Variants in SYF2 observed in about 807,000 individuals in gnomAD.
SYF2 encodes pre-mRNA-splicing factor SYF2.
Under a neutral mutation model 32.7 loss-of-function variants are expected in SYF2, and 21 were observed. The ratio of observed to expected loss-of-function variants is 0.64; its 90% confidence interval spans 0.45 to 0.92. SYF2 has a LOEUF of 0.92. Among genes scored for constraint, SYF2 ranks in the 40% least tolerant of loss-of-function variants. SYF2 has a pLI of 0.00. For synonymous variants in SYF2, 114 were observed against 103.9 expected (o/e 1.10, Z -0.59); for missense variants, 278 against 296.5 (o/e 0.94, Z 0.46).
rs780056839 is a variant in SYF2, at chr1:25,225,032, A to G, written c.536T>C (p.Ile179Thr). 2 of 1,614,046 alleles carry G rather than the reference A, an allele frequency of 1.2e-6. No individual in the cohort carries two copies. Among genetic ancestry groups the G allele is most frequent in the East Asian group, 2.2e-5 (1 of 44,870 alleles). The change falls in exon 6 of 7, where the codon ATT (isoleucine) becomes ACT (threonine). Residue 179 changes from isoleucine (I) to threonine (T), a missense_variant. Ile to Thr is a moderately conservative substitution (Grantham distance 89). Transcript: ENST00000236273. ...HGTHVPSTEE[I>T]DRMVIDLEKQ... ...TTCCAGATCTATGACCATCCTGTCA[A>G]TTTCCTCTGTGGAAGGCACATGTGT...
At chr1:25,224,892 C>T (rs925259812) in intron 6 of SYF2, 110 bp downstream of exon 6, 1 of 843,458 alleles carries the variant, frequency 1.2e-6, no homozygotes, top group African/African-American at 1.7e-5. Context: ...TATAACTGTA[C>T]AATTTCTATC....
At position 25,223,556 on chromosome 1, in the gene SYF2, G is replaced by A. The variant is rs187225703; in HGVS notation, c.567-125C>T. 803 of 914,266 alleles carry A rather than the reference G, an allele frequency of 8.8e-4. 6 individuals carry two copies. In the African/African-American group the frequency reaches 0.012, roughly 13 times the overall value. The allele number at this position is 914,266 out of a possible 1,614,324, so 56.6% of individuals were successfully genotyped here. A position where few individuals can be genotyped will look rare whatever the true frequency, so the allele number is the denominator to read the frequency against. The stretch of plus-strand genomic sequence containing the variant: ...ATGTTGTGAGGGCTAGAGGAAGCCA[G>A]GAGAGTTTTCATCAAGTTAAAGTTG... On this transcript the variant is annotated intron_variant, in intron 6 of 6. Coordinates refer to ENST00000236273, the MANE Select transcript of SYF2 (RefSeq NM_015484.5).
At chr1:25,229,396 T>G (rs893718874) in intron 2 of SYF2, among the ~76,000 whole-genome samples, 1 of 152,208 alleles carries the variant, frequency 6.6e-6, no homozygotes, top group Non-Finnish European at 1.5e-5. Context: ...TTGAGTTGTG[T>G]GGTCCCTTTT....
At chr1:25,229,239 C>T (rs191509533) in intron 2 of SYF2, 116 bp from the exon 3 acceptor site, 25 of 1,264,200 alleles carry the variant, frequency 2.0e-5, no homozygotes, top group Non-Finnish European at 2.5e-5. Context: ...CCCATTTTAT[C>T]CTAAAAGCAA....
At chr1:25,228,562 T>C (rs552932865) in intron 3 of SYF2, among the ~76,000 whole-genome samples, 26 of 152,308 alleles carry the variant, frequency 1.7e-4, no homozygotes, top group African/African-American at 6.3e-4. Context: ...CTCAAATTCC[T>C]GACCTCAAAT....
intron 3 of SYF2, 60 bp downstream of exon 3, chr1:25,228,938 G>C (rs1638571331): frequency 6.4e-7 from 1 of 1,567,856 alleles, no homozygotes; most frequent in Admixed American, 1.9e-5. Flanking sequence ...CCATGTTGTA[G>C]TGTCTTGATA....
At position 25,229,102 on chromosome 1, in the gene SYF2, G is replaced by A; in HGVS notation, c.154C>T (p.His52Tyr). ...LMRNEARKLNHQEVVEEDKRL... is the reference protein window; with the variant it reads ...LMRNEARKLNYQEVVEEDKRL... Reference sequence around the variant, plus strand: ...TTATCTTCTTCCACAACTTCCTGGTGATTTAATTTACGAGCTTCATTCTAA... The same window carrying A: ...TTATCTTCTTCCACAACTTCCTGGTAATTTAATTTACGAGCTTCATTCTAA... Residue 52 changes from histidine to tyrosine, a missense_variant, in exon 3 of 7, where the codon CAC becomes TAC. By Grantham distance (83) the His-to-Tyr change is moderately conservative. Coordinates refer to ENST00000236273, the MANE Select transcript of SYF2 (RefSeq NM_015484.5). 6.2e-7 allele frequency: 1 copy of A among 1,612,112 alleles called. No individual in the cohort carries two copies. Among genetic ancestry groups the A allele is most frequent in the Middle Eastern group, 1.7e-4 (1 of 6,052 alleles).
At chr1:25,223,656 G>A (rs1292211103) in intron 6 of SYF2, among the ~76,000 whole-genome samples, 1 of 152,164 alleles carries the variant, frequency 6.6e-6, no homozygotes, top group Non-Finnish European at 1.5e-5. Flanking sequence ...CAGAATGCTA[G>A]AGCGATGACT....
rs1638438251 is a variant in SYF2 at position 25,223,015 on chromosome 1, T to C, written c.*251A>G. 1 of 288,126 alleles carries C rather than the reference T, an allele frequency of 3.5e-6. No individual in the cohort carries two copies. The highest frequency in any genetic ancestry group is 6.4e-6 in the Non-Finnish European group (1 of 155,250). The allele number at this position is 288,126 out of a possible 1,614,324, so 17.8% of individuals were successfully genotyped here. ...AAAATACATAGAAAAATAATATAAT[T>C]AGAATGTATACAAAGTAGATTACAA... On this transcript the variant is annotated 3_prime_UTR_variant, in exon 7 of 7. Transcript: ENST00000236273.
intron 5 of SYF2, 78 bp from the exon 6 acceptor site, chr1:25,225,178 T>C: frequency 1.1e-6 from 1 of 944,652 alleles, no homozygotes; most frequent in Non-Finnish European, 1.7e-6. Context: ...GTACCATACA[T>C]GATAAGAAAG....
chr1:25,230,858 G>A (rs1333465532), intron 2 of SYF2: 7 of 140,018 alleles, frequency 5.0e-5, no homozygotes, highest in African/African-American at 2.0e-4. Context: ...GTCTCGCTCT[G>A]TCGCCCAGGC....
In SYF2 at chr1:25,227,457, C is replaced by T; in HGVS notation, c.452G>A (p.Arg151Lys). ...AAGGACTTACTGTTTTTCTCTCAGT[C>T]TCTCATATGTTTCCATGTCAGGTTT... is the stretch of plus-strand genomic sequence containing the variant. ...QIKPDMETYE[R>K]LREKHGEEFF... The change falls in exon 5 of 7, where the codon AGA becomes AAA. Residue 151 changes from arginine (R) to lysine (K), a missense_variant. Arg to Lys is a conservative substitution (Grantham distance 26). Coordinates refer to ENST00000236273, the MANE Select transcript of SYF2 (RefSeq NM_015484.5). The T allele has an allele frequency of 6.2e-7, 1 of 1,613,512 alleles. No homozygotes were observed. Among genetic ancestry groups the T allele is most frequent in the Admixed American group, 1.7e-5 (1 of 59,856 alleles).
chr1:25,227,514 A>G lies in SYF2; in HGVS notation c.395T>C (p.Leu132Ser). Residue 132 changes from leucine to serine, a missense_variant, in exon 5 of 7, where the codon TTA (leucine) becomes TCA (serine). Physicochemically the swap from Leu to Ser is moderately radical, Grantham distance 145. Coordinates refer to ENST00000236273, the MANE Select transcript of SYF2 (RefSeq NM_015484.5). ...CTTGGTCAACCGATGATACTGGCGT[A>G]ACTGGGCAGCAGCATAATCTAAAAA... ...LGFSDYAAAQ[L>S]RQYHRLTKQI... is the part of the protein sequence containing the mutation. 1 of 1,613,714 alleles carries G rather than the reference A, an allele frequency of 6.2e-7. No homozygotes were observed. The highest frequency in any genetic ancestry group is 8.5e-7 in the Non-Finnish European group (1 of 1,179,914).
intron 2 of SYF2, among the ~76,000 whole-genome samples, chr1:25,230,125 T>G (rs1485621025): frequency 6.6e-6 from 1 of 152,176 alleles, no homozygotes; most frequent in Non-Finnish European, 1.5e-5. Context: ...GCCTCAATTA[T>G]CTTTTAATCC....
intron 2 of SYF2, 43 bp from the exon 3 acceptor site, chr1:25,229,166 A>G: frequency 6.3e-7 from 1 of 1,597,892 alleles, no homozygotes; most frequent in Non-Finnish European, 8.5e-7. Flanking sequence ...AAACATGAAA[A>G]TAAATCCAGA....
rs1638467813 is a variant in SYF2, at chr1:25,224,456, C to A, written c.566+546G>T. 2.0e-5 allele frequency among the ~76,000 whole-genome samples: 3 copies of A among 152,092 alleles called. 1 individual carries two copies. The highest frequency in any genetic ancestry group is 7.2e-5 in the African/African-American group (3 of 41,412). On this transcript the variant is annotated intron_variant, in intron 6 of 6. Coordinates refer to ENST00000236273, the MANE Select transcript of SYF2 (RefSeq NM_015484.5). ...TATTTTTTGTAGAGAAAGGGTTTTG[C>A]CATGTTGCCCAGGCTGTTCTCAAAG...
At position 25,232,167 on chromosome 1, in the gene SYF2, C is replaced by T; in HGVS notation, c.69G>A (p.Ala23=). 6.2e-7 allele frequency: 1 copy of T among 1,613,894 alleles called. No homozygotes were observed. Among genetic ancestry groups the T allele is most frequent in the Non-Finnish European group, 8.5e-7 (1 of 1,180,000 alleles). ...GTTCGCGCTTCTGAGCGGCCAGCTC[C>T]GCCGCCGCAGCGAGGGACCCCTCCT... The part of the protein sequence containing the change: ...SAEEGSLAAA[A]ELAAQKREQR... Residue 23 remains alanine (A), a synonymous_variant, in exon 2 of 7, where the codon GCG becomes GCA. Coordinates refer to ENST00000236273, the MANE Select transcript of SYF2 (RefSeq NM_015484.5).
At position 25,229,141 on chromosome 1, in the gene SYF2, G is replaced by T. The variant is rs1429215992; in HGVS notation, c.133-18C>A. 1 of 1,607,210 alleles carries T rather than the reference G, an allele frequency of 6.2e-7. No homozygotes were observed. Among genetic ancestry groups the T allele is most frequent in the Admixed American group, 1.7e-5 (1 of 58,276 alleles). On this transcript the variant is annotated intron_variant, in intron 2 of 6. Transcript: ENST00000236273. The stretch of plus-strand genomic sequence containing the variant: ...GCTTCATTCTAAAACCGTAACACAA[G>T]AAGTCTGTCAGCTAAAACATGAAAA...
At chr1:25,224,901 T>A (rs1190948460) in intron 6 of SYF2, 101 bp downstream of exon 6, 1 of 889,122 alleles carries the variant, frequency 1.1e-6, no homozygotes, top group Admixed American at 1.9e-5. Flanking sequence ...ACAATTTCTA[T>A]CTTTTGAATT....
Sources: gnomAD v4.1 joint callset for allele counts (sites outside exome capture counted in the v4.1 genomes callset) on GRCh38, gnomAD v4.1.1 for gene constraint, MANE v1.5 for transcripts, NCBI Gene and HGNC (gene_info 2026-07-23, HGNC 2026-07-21) for gene names.